SUPT6H: variants seen among roughly 807,000 people sequenced by gnomAD.
SUPT6H encodes SPT6 homolog, histone chaperone and transcription elongation factor, also known as transcription elongation factor SPT6.
In SUPT6H, 11 loss-of-function variants were observed where a neutral mutation model predicts 222.3. The observed-to-expected ratio is 0.05, with a 90% CI of 0.03 to 0.08. The LOEUF (loss-of-function observed/expected upper bound fraction) is 0.08, where lower values mean the gene tolerates loss of function less well. Ranked by LOEUF, SUPT6H falls within the 10% of genes least tolerant of loss-of-function variation. The probability of loss-of-function intolerance (pLI) is 1.00; values close to 1 mark genes in which losing one functional copy is unlikely to be tolerated. For missense variants in SUPT6H, 1,422 were observed against 2,216.0 expected, an observed-to-expected ratio of 0.64 and a Z score of 7.19; for synonymous variants, 762 against 801.2, an observed-to-expected ratio of 0.95 and a Z score of 0.83.
Position 28,681,882 on chromosome 17 carries a change from G to C in SUPT6H, c.1499G>C (p.Gly500Ala), listed in dbSNP as rs768057676. ...KRVREEGDEE[G>A]EGDEAEDEEQ... The stretch of plus-strand genomic sequence containing the variant: ...AAATCTCCCCATGTTTTCTTCCCAG[G>C]TGAAGGTGACGAGGCAGAAGATGAG... The change falls in exon 13 of 37, where the codon GGT becomes GCT. Residue 500 changes from glycine to alanine, a missense_variant and splice_region_variant. By Grantham distance (60) the Gly-to-Ala change is moderately conservative. Transcript: ENST00000314616. 3.7e-6 allele frequency: 6 copies of C among 1,607,090 alleles called. No individual in the cohort carries two copies. The South Asian group carries it at 6.8e-5, about 18-fold the overall frequency.
chr17:28,675,176 G>A lies in SUPT6H; in HGVS notation c.538+14G>A, dbSNP rs2030668564. On this transcript the variant is annotated intron_variant, in intron 5 of 36. Coordinates refer to ENST00000314616, the MANE Select transcript of SUPT6H (RefSeq NM_003170.5). The stretch of plus-strand genomic sequence containing the variant: ...ATGAGGAGTCAGGTATGTTATATTG[G>A]GCAGGGAAGCCAGTGTTTGGATGGG... The A allele has an allele frequency of 1.5e-5, 24 of 1,596,302 alleles. No individual in the cohort carries two copies. The highest frequency in any genetic ancestry group is 2.0e-5 in the Non-Finnish European group (24 of 1,173,006).
At chr17:28,674,151 C>A in intron 2 of SUPT6H, 132 bp from the exon 3 acceptor site, 1 of 1,073,722 alleles carries the variant, frequency 9.3e-7, no homozygotes, top group Non-Finnish European at 1.3e-6. Flanking sequence ...TGCATCTTTA[C>A]ATGAGGCAGA....
intron 1 of SUPT6H, among the ~76,000 whole-genome samples, chr17:28,664,283 A>G (rs936713441): frequency 6.6e-6 from 1 of 152,132 alleles, no homozygotes; most frequent in African/African-American, 2.4e-5. Flanking sequence ...CGAGGTGGGC[A>G]GATCACTTGA....
rs753054593 is a variant in SUPT6H at position 28,701,158 on chromosome 17, G to A, written c.4994+30G>A. The A allele has an allele frequency of 5.1e-6, 8 of 1,583,756 alleles. No individual in the cohort carries two copies. In the East Asian group the frequency reaches 1.8e-4, roughly 35 times the overall value. On this transcript the variant is annotated intron_variant, in intron 36 of 36. Coordinates refer to ENST00000314616, the MANE Select transcript of SUPT6H (RefSeq NM_003170.5). ...GTATCTGGATGGTGGCACAGTGCAG[G>A]TCAGTGGTAGGGGCAGGTGTTGTCA...
rs747136318 is a variant in SUPT6H, at chr17:28,678,558, C to T, written c.1130C>T (p.Ala377Val). The change falls in exon 10 of 37, where the codon GCC (alanine) becomes GTC (valine). Residue 377 changes from alanine (A) to valine (V), a missense_variant. Around this residue, in one of 13 missense-constraint regions of SUPT6H, gnomAD observed 389 missense variants for 544.6 expected, o/e 0.71. Coordinates refer to ENST00000314616, the MANE Select transcript of SUPT6H (RefSeq NM_003170.5). Reference sequence around the variant, plus strand: ...TTGCCATCCTAGGTGCCTTTTATTGCCTTCTATCGAAAGGAGTATGTGGAG... The same window carrying T: ...TTGCCATCCTAGGTGCCTTTTATTGTCTTCTATCGAAAGGAGTATGTGGAG... ...RNQHFEVPFI[A>V]FYRKEYVEPE... The T allele has an allele frequency of 6.2e-7, 1 of 1,614,052 alleles. No homozygotes were observed. The highest frequency in any genetic ancestry group is 8.5e-7 in the Non-Finnish European group (1 of 1,180,038).
chr17:28,696,839 T>C lies in SUPT6H; in HGVS notation c.3971-5T>C, dbSNP rs754384958. ...CAGTCTGTACTGCTTTTCTGCCCTT[T>C]TCAGCATACATCAAGAGAGTGATCG... On this transcript the variant is annotated splice_polypyrimidine_tract_variant and splice_region_variant and intron_variant, in intron 29 of 36. Transcript: ENST00000314616. The C allele has an allele frequency of 6.8e-6, 11 of 1,613,762 alleles. No individual in the cohort carries two copies. In the East Asian group the frequency reaches 2.2e-4, roughly 33 times the overall value.
At chr17:28,698,489 C>T (rs1470914379) in intron 32 of SUPT6H, among the ~76,000 whole-genome samples, 1 of 141,316 alleles carries the variant, frequency 7.1e-6, no homozygotes, top group African/African-American at 2.5e-5. Flanking sequence ...TCCTGCTCTG[C>T]CTGCTGCTCT....
chr17:28,694,569 C>G (rs1468781265), intron 28 of SUPT6H, among the ~76,000 whole-genome samples: 1 of 152,284 alleles, frequency 6.6e-6, no homozygotes, highest in South Asian at 2.1e-4. Context: ...AAAAATAGTT[C>G]TAATAAGTGA....
At chr17:28,680,164 G>A (rs892015190) in intron 11 of SUPT6H, among the ~76,000 whole-genome samples, 7 of 150,492 alleles carry the variant, frequency 4.7e-5, no homozygotes, top group Middle Eastern at 3.2e-3. Flanking sequence ...AAATTAGCTC[G>A]GTGTGGTGGC....
chr17:28,689,650 G>C (rs1342777132), intron 25 of SUPT6H, 89 bp downstream of exon 25: 12 of 1,228,110 alleles, frequency 9.8e-6, no homozygotes, highest in Non-Finnish European at 1.4e-5. Flanking sequence ...TGCAGAGAAA[G>C]CCTGATACTG....
chr17:28,686,180 A>G (rs939650835), intron 19 of SUPT6H, among the ~76,000 whole-genome samples, 159 bp from the exon 20 acceptor site: 15 of 152,232 alleles, frequency 9.9e-5, no homozygotes, highest in Non-Finnish European at 1.3e-4. Context: ...GGGTTGGCCA[A>G]CTTTCAGGAA....
Position 28,684,699 on chromosome 17 carries a change from C to T in SUPT6H, c.2343C>T (p.Val781=), listed in dbSNP as rs1020045224. 6.2e-6 allele frequency: 10 copies of T among 1,614,096 alleles called. No individual in the cohort carries two copies. The highest frequency in any genetic ancestry group is 3.3e-5 in the Admixed American group (2 of 60,010). ...MDENQGKGIR[V]LGIAFSSARD... ...AGAACCAAGGGAAGGGCATTCGAGT[C>T]CTCGGCATTGCTTTCTCCTCTGCCA... Residue 781 remains valine, a synonymous_variant, in exon 18 of 37, where the codon GTC becomes GTT. Coordinates refer to ENST00000314616, the MANE Select transcript of SUPT6H (RefSeq NM_003170.5).
intron 9 of SUPT6H, 35 bp from the exon 10 acceptor site, chr17:28,678,510 T>C: frequency 6.3e-7 from 1 of 1,597,664 alleles, no homozygotes; most frequent in Non-Finnish European, 8.6e-7. Flanking sequence ...CAAATCTGTC[T>C]TCTCTGAGTG....
rs1321947224 is a variant in SUPT6H, at chr17:28,676,412, C to T, written c.879C>T (p.Asp293=). 1 of 1,613,822 alleles carries T rather than the reference C, an allele frequency of 6.2e-7. No individual in the cohort carries two copies. The highest frequency in any genetic ancestry group is 1.3e-5 in the African/African-American group (1 of 74,870). The change falls in exon 7 of 37, where the codon GAC becomes GAT. Residue 293 remains aspartate, a synonymous_variant. Transcript: ENST00000314616. ...AGGACAATGAAATCCGAGCCACTGA[C>T]CTGCCTGAGAGGTTCCAGGTAAAAA... ...TDQDNEIRAT[D]LPERFQLRSI...
At chr17:28,662,493 G>A (rs994558916) in intron 1 of SUPT6H, among the ~76,000 whole-genome samples, 151 bp downstream of exon 1, 2 of 152,168 alleles carry the variant, frequency 1.3e-5, no homozygotes, top group Non-Finnish European at 1.5e-5. Context: ...GGGGAAGGGG[G>A]AGGAAAGCGC....
chr17:28,697,570 GA>G (rs1243517501), intron 30 of SUPT6H, 49 bp from the exon 31 acceptor site: 1 of 1,495,318 alleles, frequency 6.7e-7, no homozygotes, highest in East Asian at 2.3e-5. Context: ...ATTTGATCAA[GA>G]ATCTCAGCTC....
chr17:28,677,608 T>G (rs2030835502), intron 7 of SUPT6H, 107 bp from the exon 8 acceptor site: 2 of 789,928 alleles, frequency 2.5e-6, no homozygotes, highest in Admixed American at 4.4e-5. Flanking sequence ...AGAACAATAC[T>G]GGAAATGTGC....
At chr17:28,668,727 C>T (rs2030239583) in intron 1 of SUPT6H, among the ~76,000 whole-genome samples, 1 of 152,164 alleles carries the variant, frequency 6.6e-6, no homozygotes, top group Non-Finnish European at 1.5e-5. Context: ...AAAGATTGAA[C>T]TTGTGGGTCT....
At chr17:28,673,273 A>C in intron 1 of SUPT6H, 98 bp from the exon 2 acceptor site, 1 of 654,776 alleles carries the variant, frequency 1.5e-6, no homozygotes, top group Non-Finnish European at 2.8e-6. Context: ...TGGGCAGAGC[A>C]GTGGCAGGTT....
Sources: allele counts gnomAD v4.1 joint callset (sites outside exome capture counted in the v4.1 genomes callset), GRCh38; gene constraint gnomAD v4.1.1; regional missense constraint gnomAD v4.1.1; transcripts MANE v1.5; gene names NCBI Gene and HGNC (gene_info 2026-07-23, HGNC 2026-07-21).